Variants in TNFSF4 observed in about 807,000 individuals in gnomAD.
TNFSF4 encodes tumor necrosis factor ligand superfamily member 4.
A neutral mutation model predicts 7.3 loss-of-function variants in TNFSF4; 4 were observed. The observed-to-expected ratio is 0.55, with a 90% confidence interval of 0.27 to 1.25. The LOEUF is 1.25. TNFSF4 is among the 50% of genes most tolerant of loss of function. TNFSF4 has a pLI of 0.12. For synonymous variants in TNFSF4, 76 were observed against 83.7 expected (o/e 0.91, Z 0.50); for missense variants, 181 against 208.8 (o/e 0.87, Z 0.82).
chr1:173,408,513 AC>A, the TNFSF4 span, among the ~76,000 whole-genome samples: 1 of 152,220 alleles, frequency 6.6e-6, no homozygotes, highest in Non-Finnish European at 1.5e-5. Context: ...CTGCTTGGCA[AC>A]CATCATAATA....
chr1:173,173,231 C>T, the TNFSF4 span, among the ~76,000 whole-genome samples: 1 of 152,198 alleles, frequency 6.6e-6, no homozygotes, highest in African/African-American at 2.4e-5. Context: ...TCCTGTTTCT[C>T]ACATTTCAAA....
At chr1:173,334,831 C>G in the TNFSF4 span, among the ~76,000 whole-genome samples, 1 of 152,106 alleles carries the variant, frequency 6.6e-6, no homozygotes, top group Non-Finnish European at 1.5e-5. Context: ...TCAGGGGACC[C>G]ACTCCCACCA....
chr1:173,395,951 A>G, the TNFSF4 span, among the ~76,000 whole-genome samples: 1 of 152,140 alleles, frequency 6.6e-6, no homozygotes, highest in Non-Finnish European at 1.5e-5. Flanking sequence ...CTCCACCCCA[A>G]TCAAAGGGAT....
chr1:173,243,811 A>T, the TNFSF4 span, among the ~76,000 whole-genome samples: 1 of 152,078 alleles, frequency 6.6e-6, no homozygotes, highest in African/African-American at 2.4e-5. Context: ...TCCCCATATC[A>T]TGGGTTTGTG....
intron 1 of TNFSF4, among the ~76,000 whole-genome samples, chr1:173,192,781 G>A (rs991092900): frequency 3.3e-5 from 5 of 152,180 alleles, no homozygotes; most frequent in African/African-American, 7.2e-5. Flanking sequence ...GTGACCTTGG[G>A]AAAATTGCAT....
At chr1:173,317,870 T>C in the TNFSF4 span, among the ~76,000 whole-genome samples, 1 of 152,192 alleles carries the variant, frequency 6.6e-6, no homozygotes, top group African/African-American at 2.4e-5. Flanking sequence ...TTTTGAAAAG[T>C]TATCTCTGAA....
the TNFSF4 span, among the ~76,000 whole-genome samples, chr1:173,441,336 C>T: frequency 6.6e-6 from 1 of 151,980 alleles, no homozygotes; most frequent in Non-Finnish European, 1.5e-5. Flanking sequence ...TTCCTTATAG[C>T]TCCCCTCCCT....
the TNFSF4 span, among the ~76,000 whole-genome samples, chr1:173,419,121 C>T: frequency 1.4e-3 from 216 of 152,194 alleles, 1 homozygote; most frequent in African/African-American, 5.0e-3. Flanking sequence ...GGGCAGATCA[C>T]GAGGTCAGGA....
chr1:173,363,198 G>C, the TNFSF4 span: 1 of 279,932 alleles, frequency 3.6e-6, no homozygotes, highest in Non-Finnish European at 7.2e-6. Flanking sequence ...TTTCAAGTTG[G>C]CTCCAAACAT....
intron 1 of TNFSF4, among the ~76,000 whole-genome samples, chr1:173,201,169 C>T (rs1649926709): frequency 6.6e-6 from 1 of 151,664 alleles, no homozygotes; most frequent in Non-Finnish European, 1.5e-5. Flanking sequence ...GCTCTGAGTA[C>T]GTAATTTTAG....
At chr1:173,189,303 A>G (rs932251190) in intron 1 of TNFSF4, among the ~76,000 whole-genome samples, 3 of 152,178 alleles carry the variant, frequency 2.0e-5, no homozygotes, top group Non-Finnish European at 4.4e-5. Context: ...CATCATGGCC[A>G]CAGACTCCCA....
chr1:173,325,835 A>G, the TNFSF4 span, among the ~76,000 whole-genome samples: 5 of 152,222 alleles, frequency 3.3e-5, no homozygotes, highest in African/African-American at 1.2e-4. Context: ...GAATCTCTGA[A>G]TAGACCAATA....
the TNFSF4 span, among the ~76,000 whole-genome samples, chr1:173,286,489 C>G: frequency 1.3e-5 from 2 of 152,122 alleles, no homozygotes; most frequent in Admixed American, 6.5e-5. Context: ...GACACTAATT[C>G]AGTCAGGAAA....
the TNFSF4 span, among the ~76,000 whole-genome samples, chr1:173,413,196 A>G: frequency 6.6e-6 from 1 of 152,200 alleles, no homozygotes; most frequent in Non-Finnish European, 1.5e-5. Context: ...GCTGGAAAAT[A>G]TAGGAGAGAG....
At chr1:173,420,059 C>T in the TNFSF4 span, among the ~76,000 whole-genome samples, 1,046 of 152,226 alleles carry the variant, frequency 6.9e-3, 13 homozygotes, top group African/African-American at 0.024. Flanking sequence ...GCAAAATGCA[C>T]GTAAAAAGCA....
At chr1:173,325,020 G>C in the TNFSF4 span, among the ~76,000 whole-genome samples, 6 of 152,160 alleles carry the variant, frequency 3.9e-5, no homozygotes, top group Admixed American at 3.9e-4. Context: ...GGACCTAAGA[G>C]ACATCTACAG....
downstream of TNFSF4, among the ~76,000 whole-genome samples, chr1:173,178,902 C>A (rs189752821): frequency 6.6e-6 from 1 of 152,034 alleles, no homozygotes; most frequent in Non-Finnish European, 1.5e-5. Context: ...GCAGACTTGA[C>A]TGTAGAAAGG....
the TNFSF4 span, among the ~76,000 whole-genome samples, chr1:173,436,737 T>TCA: frequency 6.6e-6 from 1 of 152,062 alleles, no homozygotes; most frequent in Non-Finnish European, 1.5e-5. Flanking sequence ...CACAGGGCCT[T>TCA]CAGCATTTTT....
At chr1:173,197,276 G>T (rs1253487790) in intron 1 of TNFSF4, among the ~76,000 whole-genome samples, 1 of 152,198 alleles carries the variant, frequency 6.6e-6, no homozygotes, top group Non-Finnish European at 1.5e-5. Context: ...AGACAGTGTG[G>T]CAATTCCCCA....
Sources: allele counts gnomAD v4.1 joint callset (sites outside exome capture counted in the v4.1 genomes callset), GRCh38; gene constraint gnomAD v4.1.1; transcripts MANE v1.5; gene names NCBI Gene and HGNC (gene_info 2026-07-23, HGNC 2026-07-21).